Variants in ANO9 observed in about 807,000 individuals in gnomAD.
The protein encoded by ANO9 is anoctamin-9.
A neutral mutation model predicts 100.5 loss-of-function variants in ANO9; 80 were observed. The observed-to-expected ratio is 0.80, with a 90% confidence interval of 0.66 to 0.96. The LOEUF (loss-of-function observed/expected upper bound fraction) is 0.96. ANO9 is among the 40% of genes least tolerant of loss of function. The probability of loss-of-function intolerance (pLI) is 0.00; values close to 1 mark genes in which losing one functional copy is unlikely to be tolerated. For missense variants in ANO9, 1,064 were observed against 1,072.7 expected, an observed-to-expected ratio of 0.99 and a Z score of 0.11; for synonymous variants, 473 against 435.6, an observed-to-expected ratio of 1.09 and a Z score of -1.07.
Position 432,217 on chromosome 11 carries a change from GC to G in ANO9, c.351-164del. The G allele has an allele frequency of 1.4e-6, 1 of 711,404 alleles. No individual in the cohort carries two copies. The highest frequency in any genetic ancestry group is 2.3e-6 in the Non-Finnish European group (1 of 430,128). The allele number at this position is 711,404 out of a possible 1,614,324, so 44.1% of individuals were successfully genotyped here. A position where few individuals can be genotyped will look rare whatever the true frequency, so the allele number is the denominator to read the frequency against. ...CCCAGAATCCACAACTCACCCGGGA[GC>G]CCACCCCGCACCCTCCTTAAAGTGC... On this transcript the variant is annotated intron_variant, in intron 4 of 22. Transcript: ENST00000332826. The surrounding 1 kb of genome is among the most constrained non-coding windows in gnomAD (Gnocchi z 4.8).
chr11:433,513 C>T (rs923695804), intron 3 of ANO9, 54 bp from the exon 4 acceptor site: 8 of 1,590,912 alleles, frequency 5.0e-6, no homozygotes, highest in Middle Eastern at 3.4e-4. Context: ...CGCTCTATCC[C>T]GCCTCAGAAC....
In ANO9 at chr11:432,392, A is replaced by C. The variant is rs1590488983; in HGVS notation, c.351-338T>G. Reference sequence around the variant, plus strand: ...TGCGGGCCCCATGTGTCCAGAGCACACCCCAGCCTGCATCCGCACACACCC... The same window carrying C: ...TGCGGGCCCCATGTGTCCAGAGCACCCCCCAGCCTGCATCCGCACACACCC... On this transcript the variant is annotated intron_variant, in intron 4 of 22. Coordinates refer to ENST00000332826, the MANE Select transcript of ANO9 (RefSeq NM_001012302.3). The surrounding 1 kb of genome is among the most constrained non-coding windows in gnomAD (Gnocchi z 4.8). 1 of 385,822 alleles carries C rather than the reference A, an allele frequency of 2.6e-6. No individual in the cohort carries two copies. 23.9% of individuals were successfully genotyped at this position (385,822 alleles called of 1,614,324 possible).
intron 15 of ANO9, among the ~76,000 whole-genome samples, chr11:424,341 A>C (rs1477832545): frequency 1.3e-5 from 2 of 152,232 alleles, no homozygotes; most frequent in Non-Finnish European, 2.9e-5. Flanking sequence ...TCCCCATGCA[A>C]AGAGGCACAG....
In ANO9 at chr11:418,827, G is replaced by A. The variant is rs2133673283; in HGVS notation, c.2037-14C>T. On this transcript the variant is annotated splice_polypyrimidine_tract_variant and intron_variant, in intron 21 of 22. Coordinates refer to ENST00000332826, the MANE Select transcript of ANO9 (RefSeq NM_001012302.3). ...TAGTCCCTGTATCTGGGGTAAGGAA[G>A]TACCTGAGGTCAGGGGTCAGGAGTT... The A allele has an allele frequency of 1.2e-6, 2 of 1,613,540 alleles. No homozygotes were observed. Among genetic ancestry groups the A allele is most frequent in the Middle Eastern group, 1.6e-4 (1 of 6,062 alleles).
intron 15 of ANO9, among the ~76,000 whole-genome samples, chr11:424,807 G>A (rs1285450765): frequency 1.3e-5 from 2 of 151,990 alleles, no homozygotes; most frequent in African/African-American, 2.4e-5. Context: ...AAAATAAAGA[G>A]GAAACAAAAC....
intron 19 of ANO9, chr11:420,035 T>C: frequency 7.5e-7 from 1 of 1,337,454 alleles, no homozygotes; most frequent in Non-Finnish European, 9.6e-7. Flanking sequence ...GGGTAAGACC[T>C]TGTAACCTGG....
chr11:431,738 C>G lies in ANO9; in HGVS notation c.495G>C (p.Ala165=). Residue 165 remains alanine (A), a synonymous_variant, in exon 7 of 23, where the codon GCG becomes GCC. Transcript: ENST00000332826. ...KGEGRLKKTW[A]RWRHMFREQP... is the part of the protein sequence containing the mutation. ...GCTCCCGGAACATGTGTCTCCACCG[C>G]GCCCACGTCTTCTTCAGGCGTCCCT... 6.2e-7 allele frequency: 1 copy of G among 1,612,648 alleles called. No individual in the cohort carries two copies. Among genetic ancestry groups the G allele is most frequent in the Non-Finnish European group, 8.5e-7 (1 of 1,179,572 alleles).
In ANO9 at chr11:421,691, C is replaced by T. The variant is rs962505972; in HGVS notation, c.1335-493G>A. ...AGGCAAGGCCACAGGCTCCAACACA[C>T]GCTCCAGACAGTGTCTGTTACGAGT... On this transcript the variant is annotated intron_variant, in intron 15 of 22. Transcript: ENST00000332826. The surrounding 1 kb of genome is among the most constrained non-coding windows in gnomAD (Gnocchi z 6.8). Among the ~76,000 whole-genome samples the T allele has an allele frequency of 2.6e-4, 40 of 152,238 alleles. No homozygotes were observed. The highest frequency in any genetic ancestry group is 9.2e-4 in the African/African-American group (38 of 41,446).
rs559572219 is a variant in ANO9, at chr11:428,528, C to T, written c.1132G>A (p.Val378Met). Residue 378 changes from valine to methionine, a missense_variant, in exon 13 of 23, where the codon GTG becomes ATG. Transcript: ENST00000332826. ...PFLEEQVTTA[V>M]VVTGALVHYV... The stretch of plus-strand genomic sequence containing the variant: ...TGCACCAGAGCCCCGGTCACCACCA[C>T]GGCCGTGGTCACCTGCTCCTCCAGG... 6.2e-6 allele frequency: 10 copies of T among 1,612,724 alleles called. No homozygotes were observed. The highest frequency in any genetic ancestry group is 4.4e-5 in the South Asian group (4 of 91,088).
In ANO9 at chr11:428,343, G is replaced by C; in HGVS notation, c.1222+15C>G. 3 of 1,612,386 alleles carry C rather than the reference G, an allele frequency of 1.9e-6. No individual in the cohort carries two copies. Among genetic ancestry groups the C allele is most frequent in the Non-Finnish European group, 2.5e-6 (3 of 1,179,914 alleles). Reference sequence around the variant, plus strand: ...CCGCCGGGTCCCCCAAGAGGGTCTGGGGTAGTCCTCTCACCGAAGTCACAA... The same window carrying C: ...CCGCCGGGTCCCCCAAGAGGGTCTGCGGTAGTCCTCTCACCGAAGTCACAA... On this transcript the variant is annotated intron_variant, in intron 14 of 22. Transcript: ENST00000332826.
chr11:437,011 G>GAGCTGGAGGTGAGCGGGGAGTT (rs1360294577), intron 1 of ANO9, among the ~76,000 whole-genome samples: 1 of 125,250 alleles, frequency 8.0e-6, no homozygotes, highest in Non-Finnish European at 1.7e-5. Context: ...AGCGGGGAGT[G>GAGCTGGAGGTGAGCGGGGAGTT]AGCTGGAGAT....
chr11:420,528 C>T lies in ANO9; in HGVS notation c.1721G>A (p.Arg574His), dbSNP rs1208623251. ...LALFSNLVEI[R>H]LDAIKMVWLQ... ...CCAGACCATCTTGATGGCGTCCAGG[C>T]GGATCTCCACGAGGTTGCTGAAGAG... Residue 574 changes from arginine (R) to histidine (H), a missense_variant, in exon 19 of 23, where the codon CGC becomes CAC. Physicochemically the swap from Arg to His is conservative, Grantham distance 29. Coordinates refer to ENST00000332826, the MANE Select transcript of ANO9 (RefSeq NM_001012302.3). The T allele has an allele frequency of 1.9e-6, 3 of 1,605,718 alleles. No homozygotes were observed. Among genetic ancestry groups the T allele is most frequent in the African/African-American group, 2.7e-5 (2 of 74,884 alleles).
At chr11:424,304 A>AT (rs1363030822) in intron 15 of ANO9, among the ~76,000 whole-genome samples, 1 of 152,236 alleles carries the variant, frequency 6.6e-6, no homozygotes, top group East Asian at 1.9e-4. Context: ...AACCAGGTAG[A>AT]TTTTTCACGC....
rs767778746 is a variant in ANO9, at chr11:429,803, C to CA, written c.786dup (p.Asp263Ter). The CA allele has an allele frequency of 3.1e-6, 5 of 1,605,796 alleles. No homozygotes were observed. The highest frequency in any genetic ancestry group is 3.3e-4 in the Middle Eastern group (2 of 5,998). On this transcript the variant is annotated frameshift_variant, in exon 10 of 23. Coordinates refer to ENST00000332826, the MANE Select transcript of ANO9 (RefSeq NM_001012302.3). LOFTEE classifies it high-confidence loss of function. ...GCGAACACCACCGTGCCATCATTGT[C>CA]AAAGAGGTGGGTGAGCTGGGGGGGT...
chr11:441,565 G>A (rs2133728175), intron 1 of ANO9, among the ~76,000 whole-genome samples: 1 of 152,298 alleles, frequency 6.6e-6, no homozygotes, highest in South Asian at 2.1e-4. Flanking sequence ...GTCCTCAGCA[G>A]CAGCCCCCGC....
chr11:441,140 C>T (rs11246161), intron 1 of ANO9, among the ~76,000 whole-genome samples: 19,832 of 152,116 alleles, frequency 0.13, 1,289 homozygotes, highest in Middle Eastern at 0.22. Context: ...AGCAAGAGGC[C>T]GCCGGCGCAG....
In ANO9 at chr11:421,872, C is replaced by T. The variant is rs1045041350; in HGVS notation, c.1335-674G>A. 2.6e-5 allele frequency among the ~76,000 whole-genome samples: 4 copies of T among 152,140 alleles called. No individual in the cohort carries two copies. The highest frequency in any genetic ancestry group is 3.8e-4 in the East Asian group (2 of 5,202). ...CCAAAAGCATTCCTATTGTAGCTCA[C>T]GACAACTGGTATTTAACACGGTTCT... is the stretch of plus-strand genomic sequence containing the variant. On this transcript the variant is annotated intron_variant, in intron 15 of 22. Transcript: ENST00000332826. The surrounding 1 kb of genome is among the most constrained non-coding windows in gnomAD (Gnocchi z 6.8).
At position 431,899 on chromosome 11, in the gene ANO9, G is replaced by A. The variant is rs761952675; in HGVS notation, c.414C>T (p.Phe138=). Residue 138 remains phenylalanine, a synonymous_variant, in exon 6 of 23, where the codon TTC becomes TTT. Coordinates refer to ENST00000332826, the MANE Select transcript of ANO9 (RefSeq NM_001012302.3). ...AGACCCCGTCCTTCATCAGATCCTC[G>A]AAGGTCTCTGGGTCACAGGGGTTCA... The part of the protein sequence containing the change: ...MNNKTSAGET[F]EDLMKDGVFE... 2.5e-6 allele frequency: 4 copies of A among 1,610,938 alleles called. No individual in the cohort carries two copies. The highest frequency in any genetic ancestry group is 3.3e-5 in the Admixed American group (2 of 59,928).
intron 4 of ANO9, chr11:433,103 G>C (rs1435523802): frequency 3.3e-6 from 2 of 613,978 alleles, no homozygotes; most frequent in Non-Finnish European, 5.4e-6. Flanking sequence ...AATGCTCTGA[G>C]CGTTGAGAAC....
Sources: gnomAD v4.1 joint callset for allele counts (sites outside exome capture counted in the v4.1 genomes callset) on GRCh38, gnomAD v4.1.1 for gene constraint, Gnocchi (gnomAD v3.1) non-coding constraint, MANE v1.5 for transcripts, NCBI Gene and HGNC (gene_info 2026-07-23, HGNC 2026-07-21) for gene names.